The following ALPL variants were observed in gnomAD, a reference collection of about 807,000 sequenced individuals.
The protein encoded by ALPL is alkaline phosphatase, tissue-nonspecific isozyme.
A neutral mutation model predicts 51.3 loss-of-function variants in ALPL; 42 were observed. The observed-to-expected ratio is 0.82, with a 90% CI of 0.64 to 1.06. ALPL has a LOEUF of 1.06. Ranked by LOEUF, ALPL falls within the 50% of genes least tolerant of loss-of-function variation. The probability of loss-of-function intolerance (pLI) is 0.00; values close to 1 mark genes in which losing one functional copy is unlikely to be tolerated. For synonymous variants in ALPL, 279 were observed against 296.4 expected, an observed-to-expected ratio of 0.94 and a Z score of 0.60; for missense variants, 589 against 709.4, an observed-to-expected ratio of 0.83 and a Z score of 1.93.
At chr1:21,536,459 T>G (rs1289833536) in intron 1 of ALPL, among the ~76,000 whole-genome samples, 1 of 152,204 alleles carries the variant, frequency 6.6e-6, no homozygotes, top group Non-Finnish European at 1.5e-5. Flanking sequence ...GGAAATTAAT[T>G]GGCTCATGTA....
In ALPL at chr1:21,567,727, G is replaced by T. The variant is rs1020876633; in HGVS notation, c.649-377G>T. 2.6e-5 allele frequency among the ~76,000 whole-genome samples: 4 copies of T among 152,216 alleles called. No individual in the cohort carries two copies. In the East Asian group the frequency reaches 5.8e-4, roughly 22 times the overall value. On this transcript the variant is annotated intron_variant, in intron 6 of 11. Coordinates refer to ENST00000374840, the MANE Select transcript of ALPL (RefSeq NM_000478.6). ...TTTAGTTGGAAAACAGGTGGCCAGG[G>T]TTTATTGCAGCCTTGGTATGAAGTT...
chr1:21,533,747 C>A (rs183787484), intron 1 of ALPL, among the ~76,000 whole-genome samples: 2 of 151,806 alleles, frequency 1.3e-5, no homozygotes, highest in Non-Finnish European at 2.9e-5. Flanking sequence ...ATGGTGAAAC[C>A]GCCCATCTCT....
chr1:21,554,096 C>T lies in ALPL; in HGVS notation c.15C>T (p.Phe5=). The T allele has an allele frequency of 6.5e-7, 1 of 1,540,622 alleles. No individual in the cohort carries two copies. The highest frequency in any genetic ancestry group is 8.8e-7 in the Non-Finnish European group (1 of 1,134,144). ...TGGGGTGCACCATGATTTCACCATT[C>T]TTAGTACTGGCCATTGGCACCTGCC... MISP[F]LVLAIGTCLT... Residue 5 remains phenylalanine (F), a synonymous_variant, in exon 2 of 12, where the codon TTC becomes TTT. Coordinates refer to ENST00000374840, the MANE Select transcript of ALPL (RefSeq NM_000478.6).
chr1:21,538,495 C>T (rs1405034018), intron 1 of ALPL, among the ~76,000 whole-genome samples: 1 of 152,218 alleles, frequency 6.6e-6, no homozygotes, highest in African/African-American at 2.4e-5. Flanking sequence ...GCCCGCCACC[C>T]AGGGATTCGG....
Position 21,573,682 on chromosome 1 carries a change from G to C in ALPL, c.880G>C (p.Asp294His). The C allele has an allele frequency of 1.9e-6, 3 of 1,613,944 alleles. No homozygotes were observed. The highest frequency in any genetic ancestry group is 2.7e-5 in the African/African-American group (2 of 75,034). The part of the protein sequence containing the change: ...DYLLGLFEPG[D>H]MQYELNRNNV... ...CTCCTCAGGTCTCTTCGAGCCAGGG[G>C]ACATGCAGTACGAGCTGAACAGGAA... Residue 294 changes from aspartate to histidine, a missense_variant, in exon 9 of 12, where the codon GAC (aspartate) becomes CAC (histidine). Coordinates refer to ENST00000374840, the MANE Select transcript of ALPL (RefSeq NM_000478.6).
intron 1 of ALPL, among the ~76,000 whole-genome samples, chr1:21,515,446 T>G (rs1489771410): frequency 6.6e-6 from 1 of 152,212 alleles, no homozygotes; most frequent in Non-Finnish European, 1.5e-5. Flanking sequence ...TGGAGTGCAG[T>G]GGCGTGATCT....
rs1332389857 is a variant in ALPL, at chr1:21,564,240, C to T, written c.648+24C>T. ...ACGTGAGTGCTCGGGGGCAGCCGGG[C>T]AGGGACGGGGTGAGGCGGGGCCTCT... On this transcript the variant is annotated intron_variant, in intron 6 of 11. Transcript: ENST00000374840. The surrounding 1 kb of genome is among the most constrained non-coding windows in gnomAD (Gnocchi z 5.8). 1.2e-6 allele frequency: 2 copies of T among 1,612,176 alleles called. No individual in the cohort carries two copies. The highest frequency in any genetic ancestry group is 1.7e-5 in the Admixed American group (1 of 60,004).
At chr1:21,511,943 A>G (rs1400608299) in intron 1 of ALPL, among the ~76,000 whole-genome samples, 8 of 152,172 alleles carry the variant, frequency 5.3e-5, no homozygotes, top group Non-Finnish European at 4.4e-5. Context: ...AGCAATCTCC[A>G]TGCTGTACCC....
chr1:21,574,674 G>A (rs1188317218), intron 9 of ALPL: 1 of 152,180 alleles, frequency 6.6e-6, no homozygotes, highest in Non-Finnish European at 1.5e-5. Flanking sequence ...GTTCCCACTC[G>A]AGCACAGCGG....
At chr1:21,518,624 G>A (rs890995113) in intron 1 of ALPL, among the ~76,000 whole-genome samples, 1 of 151,944 alleles carries the variant, frequency 6.6e-6, no homozygotes, top group African/African-American at 2.4e-5. Context: ...TTTATAAACT[G>A]TTGTCAGATT....
chr1:21,516,547 G>A (rs542208406), intron 1 of ALPL, among the ~76,000 whole-genome samples: 3 of 152,168 alleles, frequency 2.0e-5, no homozygotes, highest in Non-Finnish European at 4.4e-5. Flanking sequence ...ATGAGGAAAC[G>A]GAAACACAAA....
rs1644454467 is a variant in ALPL, at chr1:21,559,352, T to C, written c.62-1274T>C. Among the ~76,000 whole-genome samples the C allele has an allele frequency of 2.0e-5, 3 of 152,162 alleles. No homozygotes were observed. In the South Asian group the frequency reaches 6.2e-4, roughly 32 times the overall value. On this transcript the variant is annotated intron_variant, in intron 2 of 11. Transcript: ENST00000374840. Reference sequence around the variant, plus strand: ...AGCCCTGGAGACGGGATAATGGGGATGGGAGGCAACTTTTGAGCCTCTCCT... The same window carrying C: ...AGCCCTGGAGACGGGATAATGGGGACGGGAGGCAACTTTTGAGCCTCTCCT...
chr1:21,530,434 C>T, intron 1 of ALPL, among the ~76,000 whole-genome samples: 1 of 152,234 alleles, frequency 6.6e-6, no homozygotes, highest in East Asian at 1.9e-4. Flanking sequence ...GATGCTGTGT[C>T]TTTGGTAAGA....
At chr1:21,540,573 T>C (rs1644169553) in intron 1 of ALPL, among the ~76,000 whole-genome samples, 1 of 152,142 alleles carries the variant, frequency 6.6e-6, no homozygotes, top group Non-Finnish European at 1.5e-5. Flanking sequence ...GAGGGCCTGC[T>C]CTCCACCAGG....
intron 1 of ALPL, among the ~76,000 whole-genome samples, chr1:21,518,074 T>G (rs1643834012): frequency 6.6e-6 from 1 of 152,086 alleles, no homozygotes; most frequent in South Asian, 2.1e-4. Flanking sequence ...TTGGAGGAAC[T>G]AAGCTAGACT....
chr1:21,563,776 G>C (rs111501441), intron 5 of ALPL, among the ~76,000 whole-genome samples: 55 of 152,284 alleles, frequency 3.6e-4, no homozygotes, highest in Admixed American at 6.5e-4. Context: ...GCGCCTTGAT[G>C]AAGGGGAGGA....
chr1:21,573,657 C>T lies in ALPL; in HGVS notation c.863-8C>T, dbSNP rs775518662. The T allele has an allele frequency of 1.5e-5, 25 of 1,613,490 alleles. No homozygotes were observed. In the East Asian group the frequency reaches 5.6e-4, roughly 36 times the overall value. ...TCAGCATCCACATCCTCCTGGCGTCCTCCTCAGGTCTCTTCGAGCCAGGGG... is the reference window on the plus strand; with the variant it reads ...TCAGCATCCACATCCTCCTGGCGTCTTCCTCAGGTCTCTTCGAGCCAGGGG... On this transcript the variant is annotated splice_region_variant and splice_polypyrimidine_tract_variant and intron_variant, in intron 8 of 11. Coordinates refer to ENST00000374840, the MANE Select transcript of ALPL (RefSeq NM_000478.6).
intron 1 of ALPL, among the ~76,000 whole-genome samples, chr1:21,552,532 A>G (rs950534005): frequency 2.0e-5 from 3 of 152,022 alleles, no homozygotes; most frequent in African/African-American, 7.2e-5. Flanking sequence ...CTGGAGCTGC[A>G]AAGAGAAGAA....
rs1259442041 is a variant in ALPL, at chr1:21,509,913, C to A, written c.-105+396C>A. On this transcript the variant is annotated intron_variant, in intron 1 of 11. Transcript: ENST00000374840. The surrounding 1 kb of genome is among the most constrained non-coding windows in gnomAD (Gnocchi z 6.0). ...GAGCCCCTCCTGGTGCCTCCTTAGCCGTAGCTCTAGAGACCTGGGCTGCCA... is the reference window on the plus strand; with the variant it reads ...GAGCCCCTCCTGGTGCCTCCTTAGCAGTAGCTCTAGAGACCTGGGCTGCCA... Among the ~76,000 whole-genome samples, 5 of 152,348 alleles carry A rather than the reference C, an allele frequency of 3.3e-5. No individual in the cohort carries two copies. The East Asian group carries it at 9.7e-4, about 29-fold the overall frequency.
Sources: allele counts gnomAD v4.1 joint callset (sites outside exome capture counted in the v4.1 genomes callset), GRCh38; gene constraint gnomAD v4.1.1; non-coding constraint Gnocchi (gnomAD v3.1); transcripts MANE v1.5; gene names NCBI Gene and HGNC (gene_info 2026-07-23, HGNC 2026-07-21).